Variants in MAP3K4 observed in about 807,000 individuals in gnomAD.
MAP3K4 encodes MAP three kinase 1.
MAP3K4 carries 67 observed loss-of-function variants against 185.6 expected under a neutral mutation model. The ratio of observed to expected loss-of-function variants is 0.36; its 90% CI spans 0.30 to 0.44. The LOEUF (loss-of-function observed/expected upper bound fraction) is 0.44. Among genes scored for constraint, MAP3K4 ranks in the 20% least tolerant of loss-of-function variants. The pLI is 1.00. For synonymous variants in MAP3K4, 702 were observed against 710.4 expected (o/e 0.99, Z 0.19); for missense variants, 1,551 against 1,995.1 (o/e 0.78, Z 4.24).
Position 161,048,980 on chromosome 6 carries a change from C to G in MAP3K4, c.708C>G (p.Thr236=). The stretch of plus-strand genomic sequence containing the variant: ...CTTTACGACTTTTGCTAAAGCTTAC[C>G]TCAGTCTCAAAGAAAAAAGACAGGG... The part of the protein sequence containing the change: ...FETLRLLLKL[T]SVSKKKDREQ... Residue 236 remains threonine, a synonymous_variant, in exon 3 of 27, where the codon ACC becomes ACG. Transcript: ENST00000392142. The surrounding 1 kb of genome is among the most constrained non-coding windows in gnomAD (Gnocchi z 4.7). 2 of 1,613,958 alleles carry G rather than the reference C, an allele frequency of 1.2e-6. No individual in the cohort carries two copies. Among genetic ancestry groups the G allele is most frequent in the Non-Finnish European group, 1.7e-6 (2 of 1,179,944 alleles).
rs1784483472 is a variant in MAP3K4 at position 161,061,470 on chromosome 6, G to A, written c.1708-9138G>A. ...GCTTTATTGAGATATAATTCACTTA[G>A]CATAAAATTCACCATTTAAAGTGTT... On this transcript the variant is annotated intron_variant, in intron 3 of 26. Coordinates refer to ENST00000392142, the MANE Select transcript of MAP3K4 (RefSeq NM_005922.4). The surrounding 1 kb of genome is among the most constrained non-coding windows in gnomAD (Gnocchi z 4.2). Among the ~76,000 whole-genome samples, 1 of 152,106 alleles carries A rather than the reference G, an allele frequency of 6.6e-6. No individual in the cohort carries two copies.
At chr6:161,052,626 AC>A (rs1194793535) in intron 3 of MAP3K4, among the ~76,000 whole-genome samples, 1 of 152,216 alleles carries the variant, frequency 6.6e-6, no homozygotes, top group East Asian at 1.9e-4. Flanking sequence ...ATTAATCCAA[AC>A]TAACAAAAGA....
At position 161,064,572 on chromosome 6, in the gene MAP3K4, T is replaced by C. The variant is rs1320658943; in HGVS notation, c.1708-6036T>C. ...GTAGGCTTATTAGTAAGGTTTGGTA[T>C]CTTGTAGGACAGTGTTGCCCATTGT... is the stretch of plus-strand genomic sequence containing the variant. On this transcript the variant is annotated intron_variant, in intron 3 of 26. Coordinates refer to ENST00000392142, the MANE Select transcript of MAP3K4 (RefSeq NM_005922.4). This position sits in a 1 kb window ranked among gnomAD's most constrained non-coding sequence, Gnocchi z 4.3. Among the ~76,000 whole-genome samples the C allele has an allele frequency of 1.3e-5, 2 of 152,212 alleles. No homozygotes were observed. Among genetic ancestry groups the C allele is most frequent in the African/African-American group, 4.8e-5 (2 of 41,460 alleles).
At chr6:161,058,797 T>C (rs545242467) in intron 3 of MAP3K4, among the ~76,000 whole-genome samples, 2 of 152,270 alleles carry the variant, frequency 1.3e-5, no homozygotes, top group East Asian at 1.9e-4. Flanking sequence ...TTAAATTCCA[T>C]TTAACAACTA....
chr6:161,036,758 A>G (rs1411225954), intron 2 of MAP3K4, among the ~76,000 whole-genome samples: 1 of 152,230 alleles, frequency 6.6e-6, no homozygotes, highest in Non-Finnish European at 1.5e-5. Context: ...TTGGTCTTAT[A>G]TAATACAAAT....
intron 3 of MAP3K4, among the ~76,000 whole-genome samples, chr6:161,058,757 G>GATATATAT (rs148494924): frequency 6.8e-6 from 1 of 146,298 alleles, no homozygotes; most frequent in African/African-American, 2.5e-5. Flanking sequence ...TGTCCTTGTA[G>GATATATAT]ATATATATAT....
Position 161,077,810 on chromosome 6 carries a change from G to A in MAP3K4, c.2098-3071G>A, listed in dbSNP as rs1383341410. ...GAGTCCGGTGAGGAGTTTTAAATTGGGCTGAGGGCATTTGAAAGCCCTCAG... is the reference window on the plus strand; with the variant it reads ...GAGTCCGGTGAGGAGTTTTAAATTGAGCTGAGGGCATTTGAAAGCCCTCAG... On this transcript the variant is annotated intron_variant, in intron 5 of 26. Coordinates refer to ENST00000392142, the MANE Select transcript of MAP3K4 (RefSeq NM_005922.4). This position sits in a 1 kb window ranked among gnomAD's most constrained non-coding sequence, Gnocchi z 4.3. 6.6e-6 allele frequency among the ~76,000 whole-genome samples: 1 copy of A among 152,142 alleles called. No individual in the cohort carries two copies. Among genetic ancestry groups the A allele is most frequent in the Non-Finnish European group, 1.5e-5 (1 of 68,022 alleles).
At position 161,017,533 on chromosome 6, in the gene MAP3K4, A is replaced by G. The variant is rs1217835895; in HGVS notation, c.153-16726A>G. Among the ~76,000 whole-genome samples the G allele has an allele frequency of 6.6e-6, 1 of 152,188 alleles. No individual in the cohort carries two copies. The highest frequency in any genetic ancestry group is 1.5e-5 in the Non-Finnish European group (1 of 68,034). On this transcript the variant is annotated intron_variant, in intron 1 of 26. Coordinates refer to ENST00000392142, the MANE Select transcript of MAP3K4 (RefSeq NM_005922.4). This position sits in a 1 kb window ranked among gnomAD's most constrained non-coding sequence, Gnocchi z 5.1. ...AAAGCCTAAGTTTTAGAGTTTTTAT[A>G]TGCCTAAAAATTAGGTCCACAAAAA... is the stretch of plus-strand genomic sequence containing the variant.
chr6:161,041,530 A>G (rs1783451649), intron 2 of MAP3K4, among the ~76,000 whole-genome samples: 1 of 152,204 alleles, frequency 6.6e-6, no homozygotes, highest in Non-Finnish European at 1.5e-5. Context: ...GGGCAAGGGT[A>G]GGGCCAGGAG....
At chr6:161,085,209 TTA>T (rs1222850567) in intron 7 of MAP3K4, among the ~76,000 whole-genome samples, 1 of 152,162 alleles carries the variant, frequency 6.6e-6, no homozygotes, top group East Asian at 1.9e-4. Context: ...AGAATTTTCT[TTA>T]TTTACATTGT....
At chr6:161,062,464 C>A (rs1784525061) in intron 3 of MAP3K4, among the ~76,000 whole-genome samples, 1 of 152,120 alleles carries the variant, frequency 6.6e-6, no homozygotes, top group South Asian at 2.1e-4. Context: ...TTTAAAGGCT[C>A]ATTTTTAATT....
rs1785768246 is a variant in MAP3K4 at position 161,087,193 on chromosome 6, GT to G, written c.2557-494del. Among the ~76,000 whole-genome samples, 1 of 152,218 alleles carries G rather than the reference GT, an allele frequency of 6.6e-6. No individual in the cohort carries two copies. Among genetic ancestry groups the G allele is most frequent in the Non-Finnish European group, 1.5e-5 (1 of 68,038 alleles). On this transcript the variant is annotated intron_variant, in intron 9 of 26. Transcript: ENST00000392142. This position sits in a 1 kb window ranked among gnomAD's most constrained non-coding sequence, Gnocchi z 4.9. ...GTTGTATCCCGCTCCCATACTGAGAGTGGGAGGGATGACCTGCAGCGTGCCA... is the reference window on the plus strand; with the variant it reads ...GTTGTATCCCGCTCCCATACTGAGAGGGGAGGGATGACCTGCAGCGTGCCA...
chr6:161,031,830 G>T (rs1042660629), intron 1 of MAP3K4, among the ~76,000 whole-genome samples: 1 of 152,108 alleles, frequency 6.6e-6, no homozygotes, highest in Non-Finnish European at 1.5e-5. Flanking sequence ...TTCAATAATG[G>T]ATGCTTCACC....
intron 2 of MAP3K4, among the ~76,000 whole-genome samples, chr6:161,045,092 A>G (rs1783663186): frequency 6.6e-6 from 1 of 152,208 alleles, no homozygotes; most frequent in African/African-American, 2.4e-5. Context: ...AGTAATTGGT[A>G]TATCCTTTTT....
chr6:161,045,293 C>T (rs1783677403), intron 2 of MAP3K4, among the ~76,000 whole-genome samples: 1 of 152,132 alleles, frequency 6.6e-6, no homozygotes, highest in South Asian at 2.1e-4. Context: ...CTTAAACCTA[C>T]TATGTAGGTC....
intron 4 of MAP3K4, among the ~76,000 whole-genome samples, chr6:161,072,400 A>G (rs1045190794): frequency 1.3e-5 from 2 of 152,314 alleles, no homozygotes; most frequent in Non-Finnish European, 1.5e-5. Context: ...CTGCACATAC[A>G]TAACTTCCTA....
chr6:161,073,446 C>G lies in MAP3K4; in HGVS notation c.1951-20C>G. On this transcript the variant is annotated intron_variant, in intron 4 of 26. Transcript: ENST00000392142. This position sits in a 1 kb window ranked among gnomAD's most constrained non-coding sequence, Gnocchi z 4.2. ...GGTTGGAGTTTATGGCTGCTGGAAC[C>G]TGTGTGTGTTGTTTTGCAGCTGGTG... 6.4e-7 allele frequency: 1 copy of G among 1,553,334 alleles called. No individual in the cohort carries two copies. Among genetic ancestry groups the G allele is most frequent in the Non-Finnish European group, 8.7e-7 (1 of 1,148,452 alleles).
At chr6:161,085,980 A>G (rs551689026) in intron 7 of MAP3K4, among the ~76,000 whole-genome samples, 1 of 152,330 alleles carries the variant, frequency 6.6e-6, no homozygotes, top group African/African-American at 2.4e-5. Context: ...TGCATTACAT[A>G]AGATAGTAAT....
chr6:161,001,305 TA>T (rs1296288471), intron 1 of MAP3K4, among the ~76,000 whole-genome samples: 2 of 152,004 alleles, frequency 1.3e-5, no homozygotes, highest in East Asian at 3.9e-4. Context: ...TGTTATCAAA[TA>T]ATTCAAACAA....
Sources: gnomAD v4.1 joint callset for allele counts (sites outside exome capture counted in the v4.1 genomes callset) on GRCh38, gnomAD v4.1.1 for gene constraint, Gnocchi (gnomAD v3.1) non-coding constraint, MANE v1.5 for transcripts, NCBI Gene and HGNC (gene_info 2026-07-23, HGNC 2026-07-21) for gene names.